Variants in CALN1 observed in about 807,000 individuals in gnomAD.
CALN1 encodes the protein calcium-binding protein 8.
A neutral mutation model predicts 30.6 loss-of-function variants in CALN1; 17 were observed. The observed-to-expected ratio is 0.56, with a 90% CI of 0.38 to 0.83. The LOEUF is 0.83. CALN1 is among the 40% of genes least tolerant of loss of function. The pLI is 0.00. For missense variants in CALN1, 291 were observed against 354.9 expected (o/e 0.82, Z 1.45); for synonymous variants, 156 against 131.4 (o/e 1.19, Z -1.28).
At chr7:71,847,741 A>C (rs1790364794) in intron 5 of CALN1, among the ~76,000 whole-genome samples, 1 of 110,854 alleles carries the variant, frequency 9.0e-6, no homozygotes, top group Non-Finnish European at 2.0e-5. Flanking sequence ...AGAAAGAAGA[A>C]AGAAGAAGAA....
chr7:71,885,647 T>G (rs1792858091), intron 5 of CALN1, among the ~76,000 whole-genome samples: 1 of 152,248 alleles, frequency 6.6e-6, no homozygotes, highest in South Asian at 2.1e-4. Context: ...AATATTGTCT[T>G]TCTTTTGGGA....
At chr7:71,856,677 G>A (rs1014114325) in intron 5 of CALN1, among the ~76,000 whole-genome samples, 8 of 152,178 alleles carry the variant, frequency 5.3e-5, no homozygotes, top group East Asian at 3.9e-4. Flanking sequence ...ATAACTGGCC[G>A]GGTGTGGTGG....
At chr7:71,913,503 G>A (rs2117013657) in intron 5 of CALN1, among the ~76,000 whole-genome samples, 1 of 152,338 alleles carries the variant, frequency 6.6e-6, no homozygotes, top group East Asian at 1.9e-4. Context: ...AAAGAAGGAT[G>A]TTGGTGGCAA....
At chr7:72,118,888 A>G (rs939207463) in intron 3 of CALN1, among the ~76,000 whole-genome samples, 1 of 152,214 alleles carries the variant, frequency 6.6e-6, no homozygotes, top group Non-Finnish European at 1.5e-5. Flanking sequence ...GCAAGTCCAG[A>G]GGATCAACAA....
At chr7:72,376,516 G>C (rs547107494) in intron 2 of CALN1, among the ~76,000 whole-genome samples, 1 of 152,260 alleles carries the variant, frequency 6.6e-6, no homozygotes, top group East Asian at 1.9e-4. Context: ...ATCTTCTTTG[G>C]AGAAATATCT....
chr7:71,946,048 G>A (rs1796391047), intron 5 of CALN1, among the ~76,000 whole-genome samples: 1 of 152,140 alleles, frequency 6.6e-6, no homozygotes, highest in African/African-American at 2.4e-5. Context: ...GGCCGCTTTA[G>A]GGACTGCATC....
chr7:72,178,610 A>G lies in CALN1; in HGVS notation c.245-72316T>C, dbSNP rs567780084. Reference sequence around the variant, plus strand: ...AGACTGAGGCAGGAGAATCATTTGAACTCGGGAGGCGGAGGTTGCAGTGAG... The same window carrying G: ...AGACTGAGGCAGGAGAATCATTTGAGCTCGGGAGGCGGAGGTTGCAGTGAG... On this transcript the variant is annotated intron_variant, in intron 3 of 6. Transcript: ENST00000395275. Among the ~76,000 whole-genome samples the G allele has an allele frequency of 4.6e-5, 7 of 151,806 alleles. No individual in the cohort carries two copies. The East Asian group carries it at 1.4e-3, about 29-fold the overall frequency.
chr7:71,849,797 C>T (rs1316844157), intron 5 of CALN1, among the ~76,000 whole-genome samples: 1 of 152,112 alleles, frequency 6.6e-6, no homozygotes, highest in African/African-American at 2.4e-5. Context: ...GCGCATGCCA[C>T]CACACCTCTG....
intron 5 of CALN1, among the ~76,000 whole-genome samples, chr7:71,818,705 TTTA>T (rs1392363965): frequency 2.7e-5 from 4 of 149,496 alleles, no homozygotes; most frequent in Non-Finnish European, 5.9e-5. Context: ...TATTTATTTA[TTTA>T]TTTATTTATT....
intron 2 of CALN1, among the ~76,000 whole-genome samples, chr7:72,391,510 C>T (rs1805576983): frequency 6.6e-6 from 1 of 152,014 alleles, no homozygotes; most frequent in Non-Finnish European, 1.5e-5. Flanking sequence ...AAAATATGGC[C>T]CCTGATATAA....
intron 2 of CALN1, among the ~76,000 whole-genome samples, chr7:72,319,390 T>C (rs1800716503): frequency 6.6e-6 from 1 of 152,122 alleles, no homozygotes; most frequent in Non-Finnish European, 1.5e-5. Flanking sequence ...ACTCCCTCTT[T>C]TAAAACCAAG....
In CALN1 at chr7:72,399,457, G is replaced by A. The variant is rs539859398; in HGVS notation, c.119+3794C>T. Among the ~76,000 whole-genome samples the A allele has an allele frequency of 1.3e-3, 197 of 151,984 alleles. 3 individuals carry two copies. The highest frequency in any genetic ancestry group is 4.3e-3 in the African/African-American group (180 of 41,462). ...AGCTAATTTTTGTATTTTTAGTAGAGATAGGGCTTCACCATGTTGGCCAAG... is the reference window on the plus strand; with the variant it reads ...AGCTAATTTTTGTATTTTTAGTAGAAATAGGGCTTCACCATGTTGGCCAAG... On this transcript the variant is annotated intron_variant, in intron 2 of 6. Transcript: ENST00000395275.
chr7:71,795,348 C>G (rs1197959141), intron 6 of CALN1, among the ~76,000 whole-genome samples: 2 of 152,062 alleles, frequency 1.3e-5, no homozygotes, highest in Non-Finnish European at 2.9e-5. Flanking sequence ...TCTCTGGGGC[C>G]CAGCCCAAAC....
chr7:71,921,398 G>A (rs959302023), intron 5 of CALN1, among the ~76,000 whole-genome samples: 1 of 152,118 alleles, frequency 6.6e-6, no homozygotes, highest in East Asian at 1.9e-4. Context: ...ATATAGATTT[G>A]TTCCTCTTTT....
intron 3 of CALN1, among the ~76,000 whole-genome samples, chr7:72,148,524 A>C (rs1301383022): frequency 7.9e-5 from 12 of 152,208 alleles, no homozygotes; most frequent in Non-Finnish European, 1.2e-4. Context: ...GCTTGAGCCC[A>C]GGAGTTTGGG....
chr7:72,393,292 A>C (rs758687719), intron 2 of CALN1, among the ~76,000 whole-genome samples: 1 of 151,994 alleles, frequency 6.6e-6, no homozygotes. Flanking sequence ...GTGAAACCCC[A>C]TCTCTACTAA....
the CALN1 span, among the ~76,000 whole-genome samples, chr7:72,464,806 G>T: frequency 6.6e-6 from 1 of 152,174 alleles, no homozygotes; most frequent in Non-Finnish European, 1.5e-5. Flanking sequence ...TTAGTCCTGG[G>T]GACAGATGCC....
intron 5 of CALN1, among the ~76,000 whole-genome samples, chr7:71,867,659 T>C: frequency 6.6e-6 from 1 of 152,098 alleles, no homozygotes; most frequent in Non-Finnish European, 1.5e-5. Flanking sequence ...GGTCTCGATC[T>C]TTCGACCTCG....
intron 5 of CALN1, among the ~76,000 whole-genome samples, chr7:72,022,195 G>A (rs1314067080): frequency 6.6e-6 from 1 of 152,162 alleles, no homozygotes; most frequent in Non-Finnish European, 1.5e-5. Flanking sequence ...CTTCAAGACT[G>A]TATTTTCCTC....
Sources: allele counts gnomAD v4.1 joint callset (sites outside exome capture counted in the v4.1 genomes callset), GRCh38; gene constraint gnomAD v4.1.1; transcripts MANE v1.5; gene names NCBI Gene and HGNC (gene_info 2026-07-23, HGNC 2026-07-21).